The following ADGRV1 variants were observed in gnomAD, a reference collection of about 807,000 sequenced individuals.
The protein encoded by ADGRV1 is G-protein coupled receptor 98.
In ADGRV1, 359 loss-of-function variants were observed where a neutral mutation model predicts 596.2. The observed-to-expected ratio is 0.60, with a 90% CI of 0.55 to 0.66. ADGRV1 has a LOEUF of 0.66. ADGRV1 is among the 30% of genes least tolerant of loss of function. ADGRV1 has a pLI of 0.00. For synonymous variants in ADGRV1, 2,681 were observed against 2,679.2 expected, an observed-to-expected ratio of 1.00 and a Z score of -0.02; for missense variants, 7,274 against 7,575.6, an observed-to-expected ratio of 0.96 and a Z score of 1.48.
chr5:90,619,189 C>A lies in ADGRV1; in HGVS notation c.453+8C>A. ...ATTATTTCATTTAATATGGTATGGA[C>A]ACAATTTGATGATAATTGTGGTTGC... On this transcript the variant is annotated splice_region_variant and intron_variant, in intron 4 of 89. Transcript: ENST00000405460. 2 of 1,231,292 alleles carry A rather than the reference C, an allele frequency of 1.6e-6. No homozygotes were observed. Among genetic ancestry groups the A allele is most frequent in the Non-Finnish European group, 2.2e-6 (2 of 900,874 alleles). 76.3% of individuals were successfully genotyped at this position (1,231,292 alleles called of 1,614,324 possible).
intron 52 of ADGRV1, among the ~76,000 whole-genome samples, chr5:90,748,818 T>TTG (rs1033313659): frequency 3.3e-5 from 5 of 151,084 alleles, no homozygotes; most frequent in Non-Finnish European, 5.9e-5. Flanking sequence ...ATCAAGTTTT[T>TTG]TTTTGTTTTT....
intron 78 of ADGRV1, among the ~76,000 whole-genome samples, chr5:90,844,569 C>T (rs149858003): frequency 6.6e-6 from 1 of 152,250 alleles, no homozygotes; most frequent in African/African-American, 2.4e-5. Context: ...AGCTCTTAGT[C>T]GTCTTAATAG....
In ADGRV1 at chr5:91,102,298, C is replaced by T. The variant is rs201649753; in HGVS notation, c.18390C>T (p.His6130=). The part of the protein sequence containing the change: ...LWGGLHMAYR[H]FWMLVLFVIF... ...GAGGACTACACATGGCCTACAGACACTTCTGGATGTTGGTTCTCTTTGTCA... is the reference window on the plus strand; with the variant it reads ...GAGGACTACACATGGCCTACAGACATTTCTGGATGTTGGTTCTCTTTGTCA... The change falls in exon 87 of 90, where the codon CAC becomes CAT. Residue 6130 remains histidine, a synonymous_variant. Coordinates refer to ENST00000405460, the MANE Select transcript of ADGRV1 (RefSeq NM_032119.4). The T allele has an allele frequency of 1.2e-6, 2 of 1,608,294 alleles. No homozygotes were observed. The highest frequency in any genetic ancestry group is 3.4e-5 in the Admixed American group (2 of 59,216).
intron 39 of ADGRV1, among the ~76,000 whole-genome samples, chr5:90,710,414 T>C (rs1749180428): frequency 6.6e-6 from 1 of 152,114 alleles, no homozygotes. Flanking sequence ...GTTTGGTGGA[T>C]AGAATAAAAA....
chr5:90,851,109 G>GTA (rs1766445895), intron 79 of ADGRV1, among the ~76,000 whole-genome samples: 2 of 89,824 alleles, frequency 2.2e-5, no homozygotes, highest in Non-Finnish European at 4.6e-5. Flanking sequence ...TAGGGTGTGT[G>GTA]TGTGTGTGTG....
chr5:90,802,970 T>G, intron 71 of ADGRV1, 88 bp downstream of exon 71: 6 of 1,070,038 alleles, frequency 5.6e-6, no homozygotes, highest in Non-Finnish European at 7.7e-6. Flanking sequence ...CTAGAATTTC[T>G]CATGAGTAAC....
intron 39 of ADGRV1, 93 bp downstream of exon 39, chr5:90,709,002 T>C: frequency 1.2e-6 from 1 of 856,292 alleles, no homozygotes; most frequent in East Asian, 2.5e-5. Flanking sequence ...TGTGCTGTTT[T>C]GTTAATCTTA....
chr5:90,985,469 A>G lies in ADGRV1; in HGVS notation c.18099A>G (p.Lys6033=). The G allele has an allele frequency of 1.2e-6, 2 of 1,613,868 alleles. No homozygotes were observed. Among genetic ancestry groups the G allele is most frequent in the Non-Finnish European group, 1.7e-6 (2 of 1,179,786 alleles). Residue 6033 remains lysine (K), a synonymous_variant, in exon 85 of 90, where the codon AAA becomes AAG. Transcript: ENST00000405460. The part of the protein sequence containing the change: ...FVVILLIVIL[K]GIYHQSMSQI... The stretch of plus-strand genomic sequence containing the variant: ...TGATTCTCCTCATAGTTATTTTGAA[A>G]GGAATCTATCATCAGAGCATGTCAC...
chr5:90,945,987 AAAG>A (rs10612624), intron 83 of ADGRV1, among the ~76,000 whole-genome samples: 63,090 of 151,596 alleles, frequency 0.42, 14,395 homozygotes, highest in Non-Finnish European at 0.51. Context: ...TTCTCAAAAA[AAAG>A]AAGGGAAGGA....
chr5:90,882,581 G>A (rs1340762920), intron 83 of ADGRV1, among the ~76,000 whole-genome samples: 1 of 152,116 alleles, frequency 6.6e-6, no homozygotes, highest in East Asian at 1.9e-4. Flanking sequence ...GAAAGCTATT[G>A]TTCTGGATGG....
chr5:90,840,907 G>T lies in ADGRV1; in HGVS notation c.16941G>T (p.Val5647=). 1 of 1,562,056 alleles carries T rather than the reference G, an allele frequency of 6.4e-7. No individual in the cohort carries two copies. The part of the protein sequence containing the change: ...QPVNDDILNR[V]LHTISMKVAT... Reference sequence around the variant, plus strand: ...TGAATGATGATATTCTCAACAGAGTGCTCCATACCATCAGCATGAAAGTGG... The same window carrying T: ...TGAATGATGATATTCTCAACAGAGTTCTCCATACCATCAGCATGAAAGTGG... Residue 5647 remains valine (V), a synonymous_variant, in exon 78 of 90, where the codon GTG becomes GTT. Transcript: ENST00000405460.
intron 83 of ADGRV1, among the ~76,000 whole-genome samples, chr5:90,942,146 A>C (rs1373877628): frequency 6.6e-6 from 1 of 152,194 alleles, no homozygotes; most frequent in Non-Finnish European, 1.5e-5. Flanking sequence ...ACATTGGCCA[A>C]ATATTTTATG....
chr5:91,161,447 G>T (rs565887049), intron 89 of ADGRV1, among the ~76,000 whole-genome samples: 1 of 149,142 alleles, frequency 6.7e-6, no homozygotes, highest in Non-Finnish European at 1.5e-5. Flanking sequence ...TTTTTGTTTT[G>T]TTTTGTAATG....
intron 34 of ADGRV1, among the ~76,000 whole-genome samples, chr5:90,698,049 C>T (rs1273749984): frequency 6.6e-6 from 1 of 152,114 alleles, no homozygotes; most frequent in Non-Finnish European, 1.5e-5. Flanking sequence ...TACTGTACTT[C>T]CAACTTGCAA....
intron 10 of ADGRV1, among the ~76,000 whole-genome samples, chr5:90,636,804 T>C (rs80111494): frequency 6.6e-6 from 1 of 152,038 alleles, no homozygotes; most frequent in African/African-American, 2.4e-5. Context: ...TTTTTTTTTT[T>C]CCAAGATGAG....
At chr5:90,648,644 TTTCA>T (rs1221568745) in intron 17 of ADGRV1, among the ~76,000 whole-genome samples, 2 of 152,222 alleles carry the variant, frequency 1.3e-5, no homozygotes, top group Non-Finnish European at 2.9e-5. Context: ...TAGCTGTGTC[TTTCA>T]TTCTCCCTAT....
chr5:90,676,663 G>A (rs1744260198), intron 25 of ADGRV1: 1 of 156,106 alleles, frequency 6.4e-6, no homozygotes, highest in Admixed American at 6.5e-5. Context: ...TGCTTTTAGA[G>A]TGAAAAGTAT....
At chr5:90,965,143 A>G (rs554943767) in intron 83 of ADGRV1, among the ~76,000 whole-genome samples, 203 of 152,294 alleles carry the variant, frequency 1.3e-3, no homozygotes, top group South Asian at 3.7e-3. Flanking sequence ...TTCATCAATG[A>G]TAAGAACAAG....
rs754778257 is a variant in ADGRV1 at position 90,708,901 on chromosome 5, C to A, written c.8816C>A (p.Pro2939His). 3 of 1,606,376 alleles carry A rather than the reference C, an allele frequency of 1.9e-6. No individual in the cohort carries two copies. The highest frequency in any genetic ancestry group is 3.3e-5 in the Admixed American group (2 of 59,906). ...ATGGCTGCTTCAACTTCATTTCCTC[C>A]CAGACTAGGTATGAGGGGTTTCTTG... is the stretch of plus-strand genomic sequence containing the variant. ...LTMAASTSFPPRLDSEGLTAQ... is the reference protein window; with the variant it reads ...LTMAASTSFPHRLDSEGLTAQ... The change falls in exon 39 of 90, where the codon CCC becomes CAC. Residue 2939 changes from proline (P) to histidine (H), a missense_variant. Pro to His is a moderately conservative substitution (Grantham distance 77, BLOSUM62 -2). Transcript: ENST00000405460.
Sources: allele counts gnomAD v4.1 joint callset (sites outside exome capture counted in the v4.1 genomes callset), GRCh38; gene constraint gnomAD v4.1.1; transcripts MANE v1.5; gene names NCBI Gene and HGNC (gene_info 2026-07-23, HGNC 2026-07-21).